ROBO1: variants seen among roughly 807,000 people sequenced by gnomAD.
The protein encoded by ROBO1 is roundabout guidance receptor 1, also known as roundabout homolog 1.
A neutral mutation model predicts 195.9 loss-of-function variants in ROBO1; 149 were observed. The ratio of observed to expected loss-of-function variants is 0.76; its 90% CI spans 0.67 to 0.87. The LOEUF (loss-of-function observed/expected upper bound fraction) is 0.87, where lower values mean the gene tolerates loss of function less well. ROBO1 is among the 40% of genes least tolerant of loss of function. The pLI is 0.00. For synonymous variants in ROBO1, 816 were observed against 733.2 expected, an observed-to-expected ratio of 1.11 and a Z score of -1.82; for missense variants, 1,933 against 2,068.3, an observed-to-expected ratio of 0.93 and a Z score of 1.27.
At chr3:79,562,157 T>A (rs1251385241) in intron 2 of ROBO1, among the ~76,000 whole-genome samples, 1 of 152,142 alleles carries the variant, frequency 6.6e-6, no homozygotes, top group African/African-American at 2.4e-5. Flanking sequence ...TTCAAAATGT[T>A]CTGTCTATAT....
In ROBO1 at chr3:79,215,285, GTTC is replaced by G. The variant is rs1213891804; in HGVS notation, c.89-89749_89-89747del. The stretch of plus-strand genomic sequence containing the variant: ...TAGAAATAGATCACGTGTGACCAGT[GTTC>G]TTCTTGCTGATGCTCATGTCCCACA... On this transcript the variant is annotated intron_variant, in intron 2 of 30. Coordinates refer to ENST00000464233, the MANE Select transcript of ROBO1 (RefSeq NM_002941.4). Among the ~76,000 whole-genome samples the G allele has an allele frequency of 3.3e-5, 5 of 152,152 alleles. No homozygotes were observed. The East Asian group carries it at 5.8e-4, about 18-fold the overall frequency.
intron 3 of ROBO1, among the ~76,000 whole-genome samples, chr3:79,013,643 GT>G (rs2108226896): frequency 6.6e-6 from 1 of 152,298 alleles, no homozygotes; most frequent in East Asian, 1.9e-4. Flanking sequence ...GTAGTTGAGA[GT>G]TTTAGAGCCA....
At chr3:78,807,320 T>C (rs981014007) in intron 4 of ROBO1, among the ~76,000 whole-genome samples, 2 of 152,158 alleles carry the variant, frequency 1.3e-5, no homozygotes, top group African/African-American at 4.8e-5. Context: ...TCAAGAAACA[T>C]TTTCCCTATC....
At chr3:79,480,308 G>A (rs1575886861) in intron 2 of ROBO1, among the ~76,000 whole-genome samples, 1 of 152,236 alleles carries the variant, frequency 6.6e-6, no homozygotes, top group African/African-American at 2.4e-5. Flanking sequence ...GGGTCTTATA[G>A]AATATGTTAG....
At position 79,631,196 on chromosome 3, in the gene ROBO1, A is replaced by G. The variant is rs1576149299; in HGVS notation, c.-50-41235T>C. On this transcript the variant is annotated intron_variant, in intron 1 of 30. Coordinates refer to ENST00000464233, the MANE Select transcript of ROBO1 (RefSeq NM_002941.4). The stretch of plus-strand genomic sequence containing the variant: ...AAGAGCCTGCATTACCTCAAAAAAC[A>G]AAGAAAAAAAAGAACAAAGCTAGAG... Among the ~76,000 whole-genome samples, 3 of 151,972 alleles carry G rather than the reference A, an allele frequency of 2.0e-5. No homozygotes were observed. The East Asian group carries it at 5.8e-4, about 29-fold the overall frequency.
chr3:79,724,810 G>T (rs542240105), intron 1 of ROBO1, among the ~76,000 whole-genome samples: 114 of 152,198 alleles, frequency 7.5e-4, no homozygotes, highest in Non-Finnish European at 1.2e-3. Flanking sequence ...AAAGTTTTGG[G>T]GTAATTTGTT....
intron 4 of ROBO1, among the ~76,000 whole-genome samples, chr3:78,900,336 C>T (rs2037508742): frequency 6.6e-6 from 1 of 152,046 alleles, no homozygotes; most frequent in Non-Finnish European, 1.5e-5. Flanking sequence ...AAAATTGTGG[C>T]TAAATATTTA....
chr3:79,032,472 G>A (rs959037651), intron 3 of ROBO1, among the ~76,000 whole-genome samples: 5 of 151,960 alleles, frequency 3.3e-5, no homozygotes, highest in African/African-American at 1.2e-4. Flanking sequence ...CTTAAAGTAA[G>A]TACCAGTAAA....
chr3:78,880,086 T>C (rs1310857308), intron 4 of ROBO1, among the ~76,000 whole-genome samples: 1 of 152,194 alleles, frequency 6.6e-6, no homozygotes. Context: ...CTATTTATTC[T>C]AGAAGCTCAA....
At chr3:78,714,676 A>G in intron 7 of ROBO1, 152 bp from the exon 8 acceptor site, 1 of 601,574 alleles carries the variant, frequency 1.7e-6, no homozygotes. Flanking sequence ...GTCAGCTGGC[A>G]GAAGAAAAGC....
At position 78,711,348 on chromosome 3, in the gene ROBO1, C is replaced by CTCCTTTCTTTTCTTTCTTTCTTCCTTCCT. The variant is rs1575992298; in HGVS notation, c.1045+3048_1045+3049insAGGAAGGAAGAAAGAAAGAAAAGAAAGGA. Among the ~76,000 whole-genome samples, 11 of 54,666 alleles carry CTCCTTTCTTTTCTTTCTTTCTTCCTTCCT rather than the reference C, an allele frequency of 2.0e-4. 2 individuals carry two copies. Among genetic ancestry groups the CTCCTTTCTTTTCTTTCTTTCTTCCTTCCT allele is most frequent in the African/African-American group, 7.3e-4 (8 of 10,896 alleles). The allele number at this position is 54,666 out of a possible 152,430, so 35.9% of individuals were successfully genotyped here. A position where few individuals can be genotyped will look rare whatever the true frequency, so the allele number is the denominator to read the frequency against. On this transcript the variant is annotated intron_variant, in intron 8 of 30. Transcript: ENST00000464233. ...CTCTCCTTCCTTCCTTCCTTCCTTCCTCCTTCCTTCCTTCCTTCCTTCCTT... is the reference window on the plus strand; with the variant it reads ...CTCTCCTTCCTTCCTTCCTTCCTTCCTCCTTTCTTTTCTTTCTTTCTTCCTTCCTTCCTTCCTTCCTTCCTTCCTTCCTT...
intron 5 of ROBO1, among the ~76,000 whole-genome samples, chr3:78,739,263 C>G (rs929129040): frequency 6.6e-6 from 1 of 152,134 alleles, no homozygotes; most frequent in African/African-American, 2.4e-5. Flanking sequence ...TACTGTGTTG[C>G]TAATGTGTTA....
intron 2 of ROBO1, among the ~76,000 whole-genome samples, chr3:79,323,053 T>G (rs1026449430): frequency 1.3e-5 from 2 of 151,874 alleles, no homozygotes; most frequent in Non-Finnish European, 2.9e-5. Context: ...TAAAAAATGC[T>G]TACATGCTTC....
In ROBO1 at chr3:79,398,971, TAA is replaced by T. The variant is rs146575710; in HGVS notation, c.88+190851_88+190852del. ...TCAAATTTTCTTCCTTTTGAGGGCATAAGAGAGTGAATGCCTGTCTTAAGGGG... is the reference window on the plus strand; with the variant it reads ...TCAAATTTTCTTCCTTTTGAGGGCATGAGAGTGAATGCCTGTCTTAAGGGG... On this transcript the variant is annotated intron_variant, in intron 2 of 30. Coordinates refer to ENST00000464233, the MANE Select transcript of ROBO1 (RefSeq NM_002941.4). Among the ~76,000 whole-genome samples, 358 of 152,072 alleles carry T rather than the reference TAA, an allele frequency of 2.4e-3. 2 individuals are homozygous for T. The highest frequency in any genetic ancestry group is 7.9e-3 in the African/African-American group (329 of 41,476).
rs1702996568 is a variant in ROBO1 at position 78,598,875 on chromosome 3, G to C, written c.*38C>G. The stretch of plus-strand genomic sequence containing the variant: ...TCTGACAGGAGGCATCTTGAGTGAT[G>C]ATTTTCACATTAGATCTCATAAGCC... On this transcript the variant is annotated 3_prime_UTR_variant, in exon 31 of 31. Coordinates refer to ENST00000464233, the MANE Select transcript of ROBO1 (RefSeq NM_002941.4). 2 of 1,475,174 alleles carry C rather than the reference G, an allele frequency of 1.4e-6. No homozygotes were observed. The highest frequency in any genetic ancestry group is 4.6e-5 in the East Asian group (2 of 43,450). 91.4% of individuals were successfully genotyped at this position (1,475,174 alleles called of 1,614,324 possible). A position where few individuals can be genotyped will look rare whatever the true frequency, so the allele number is the denominator to read the frequency against.
intron 1 of ROBO1, among the ~76,000 whole-genome samples, chr3:79,703,900 T>A (rs1947692907): frequency 6.6e-6 from 1 of 151,970 alleles, no homozygotes; most frequent in African/African-American, 2.4e-5. Flanking sequence ...AAGAGAGTCT[T>A]TGATGAAGAA....
intron 2 of ROBO1, among the ~76,000 whole-genome samples, chr3:79,522,612 G>A (rs7611184): frequency 0.73 from 110,741 of 152,028 alleles, 41,455 homozygotes; most frequent in African/African-American, 0.92. Context: ...ACCTACTGGG[G>A]AGCTTTAAAT....
chr3:79,604,665 T>A (rs1335221087), intron 1 of ROBO1, among the ~76,000 whole-genome samples: 1 of 152,004 alleles, frequency 6.6e-6, no homozygotes, highest in Non-Finnish European at 1.5e-5. Context: ...GTACTAAATA[T>A]AAGTTATTGC....
intron 22 of ROBO1, 101 bp downstream of exon 22, chr3:78,639,643 G>A: frequency 8.4e-7 from 1 of 1,194,320 alleles, no homozygotes; most frequent in Non-Finnish European, 1.2e-6. Flanking sequence ...TAAAATACGG[G>A]TCAAATTTTA....
Sources: allele counts gnomAD v4.1 joint callset (sites outside exome capture counted in the v4.1 genomes callset), GRCh38; gene constraint gnomAD v4.1.1; transcripts MANE v1.5; gene names NCBI Gene and HGNC (gene_info 2026-07-23, HGNC 2026-07-21).